Variants in RAB37 observed in about 807,000 individuals in gnomAD.
RAB37 encodes the protein ras-related protein Rab-37.
A neutral mutation model predicts 33.1 loss-of-function variants in RAB37; 29 were observed. The observed-to-expected ratio is 0.88, with a 90% CI of 0.65 to 1.20. The LOEUF is 1.20. Among genes scored for constraint, RAB37 ranks in the 50% most tolerant of loss-of-function variants. The pLI is 0.00. For synonymous variants in RAB37, 128 were observed against 119.5 expected (o/e 1.07, Z -0.47); for missense variants, 299 against 301.1 (o/e 0.99, Z 0.05).
At chr17:74,706,223 C>G (rs1297165405) in intron 1 of RAB37, among the ~76,000 whole-genome samples, 1 of 150,190 alleles carries the variant, frequency 6.7e-6, no homozygotes, top group Non-Finnish European at 1.5e-5. Flanking sequence ...ATCCATGTAA[C>G]AAACCTGCAC....
chr17:74,698,056 G>T (rs1390191143), intron 1 of RAB37, among the ~76,000 whole-genome samples: 2 of 152,104 alleles, frequency 1.3e-5, no homozygotes, highest in Non-Finnish European at 2.9e-5. Context: ...CCCCAGACTG[G>T]ACCACCCACC....
rs1239298939 is a variant in RAB37 at position 74,742,632 on chromosome 17, CTT to C, written c.246+347_246+348del. On this transcript the variant is annotated intron_variant, in intron 3 of 8. Coordinates refer to ENST00000392613, the MANE Select transcript of RAB37 (RefSeq NM_001006638.3). This position sits in a 1 kb window ranked among gnomAD's most constrained non-coding sequence, Gnocchi z 4.0. ...AGATTCTTTTTTTTTCTTTTCTTTT[CTT>C]TTTTTTTTTGAGATGGAGTCTCGCT... Among the ~76,000 whole-genome samples the C allele has an allele frequency of 6.9e-6, 1 of 145,608 alleles. No homozygotes were observed. Among genetic ancestry groups the C allele is most frequent in the Non-Finnish European group, 1.5e-5 (1 of 65,772 alleles).
At chr17:74,741,604 G>C (rs76703324) in intron 2 of RAB37, among the ~76,000 whole-genome samples, 1 of 95,058 alleles carries the variant, frequency 1.1e-5, no homozygotes, top group African/African-American at 4.8e-5. Context: ...AAAAAAAAAA[G>C]AGCTGGGCTG....
At chr17:74,723,833 C>T (rs1323063783) in intron 1 of RAB37, among the ~76,000 whole-genome samples, 1 of 152,054 alleles carries the variant, frequency 6.6e-6, no homozygotes, top group Non-Finnish European at 1.5e-5. Context: ...CTTGGCCTCT[C>T]AAAATGCTGG....
At chr17:74,722,161 T>A (rs906805701) in intron 1 of RAB37, among the ~76,000 whole-genome samples, 1 of 151,814 alleles carries the variant, frequency 6.6e-6, no homozygotes, top group African/African-American at 2.4e-5. Flanking sequence ...CGGGCGCCTG[T>A]AGTCCCAGAT....
chr17:74,733,803 C>T (rs1387192819), upstream of RAB37, among the ~76,000 whole-genome samples: 1 of 152,016 alleles, frequency 6.6e-6, no homozygotes, highest in Non-Finnish European at 1.5e-5. Context: ...ACTTCTGACT[C>T]ACCCGAGGCT....
chr17:74,712,833 A>T (rs745918380), intron 1 of RAB37: 2 of 1,614,066 alleles, frequency 1.2e-6, no homozygotes, highest in Non-Finnish European at 1.7e-6. Context: ...CCTGAGAGCC[A>T]GAAGAGGAGC....
At chr17:74,711,810 T>C (rs1015177906) in intron 1 of RAB37, among the ~76,000 whole-genome samples, 4 of 152,160 alleles carry the variant, frequency 2.6e-5, no homozygotes, top group African/African-American at 9.6e-5. Context: ...CACTGTAACA[T>C]ATCATCTTGT....
upstream of RAB37, among the ~76,000 whole-genome samples, chr17:74,733,707 C>T (rs2034426629): frequency 6.6e-6 from 1 of 151,798 alleles, no homozygotes; most frequent in African/African-American, 2.4e-5. Context: ...CCCAGGTTTC[C>T]TCCCCAGAGA....
chr17:74,698,628 A>G (rs2032748442), intron 1 of RAB37: 1 of 1,476,974 alleles, frequency 6.8e-7, no homozygotes. Context: ...ACTCCTGGGG[A>G]TCCTCAAAGA....
intron 1 of RAB37, among the ~76,000 whole-genome samples, chr17:74,720,276 G>C (rs2034221533): frequency 6.6e-6 from 1 of 152,176 alleles, no homozygotes; most frequent in South Asian, 2.1e-4. Flanking sequence ...CAGCATGAAG[G>C]GGTGTGTTAC....
intron 1 of RAB37, among the ~76,000 whole-genome samples, chr17:74,721,399 A>G (rs2034237864): frequency 6.6e-6 from 1 of 151,670 alleles, no homozygotes; most frequent in South Asian, 2.1e-4. Context: ...TACAAACACT[A>G]CAATGAGCAT....
Position 74,744,157 on chromosome 17 carries a change from G to A in RAB37, c.367-151G>A, listed in dbSNP as rs1598330007. The A allele has an allele frequency of 1.4e-6, 1 of 700,070 alleles. No individual in the cohort carries two copies. The highest frequency in any genetic ancestry group is 1.8e-5 in the African/African-American group (1 of 55,740). The allele number at this position is 700,070 out of a possible 1,614,324, so 43.4% of individuals were successfully genotyped here. On this transcript the variant is annotated intron_variant, in intron 5 of 8. Coordinates refer to ENST00000392613, the MANE Select transcript of RAB37 (RefSeq NM_001006638.3). This position sits in a 1 kb window ranked among gnomAD's most constrained non-coding sequence, Gnocchi z 4.2. The stretch of plus-strand genomic sequence containing the variant: ...TGAGCCACCAAGGAAGGCCATCCAG[G>A]CCTGGATGGGCCAGAACAAAGGTAC...
At chr17:74,715,753 C>T (rs1194060399) in intron 1 of RAB37, among the ~76,000 whole-genome samples, 1 of 152,170 alleles carries the variant, frequency 6.6e-6, no homozygotes, top group Non-Finnish European at 1.5e-5. Flanking sequence ...TCAGGCCGGG[C>T]ACGGTGGCTT....
intron 1 of RAB37, among the ~76,000 whole-genome samples, chr17:74,715,460 C>A (rs964562926): frequency 5.9e-5 from 9 of 152,206 alleles, no homozygotes; most frequent in Non-Finnish European, 1.5e-5. Context: ...GTCAATAGGT[C>A]CTCTGCCCAG....
Position 74,742,127 on chromosome 17 carries a change from G to T in RAB37, c.205-127G>T. 1 of 1,139,656 alleles carries T rather than the reference G, an allele frequency of 8.8e-7. No individual in the cohort carries two copies. The highest frequency in any genetic ancestry group is 1.3e-6 in the Non-Finnish European group (1 of 791,552). 70.6% of individuals were successfully genotyped at this position (1,139,656 alleles called of 1,614,324 possible). On this transcript the variant is annotated intron_variant, in intron 2 of 8. Coordinates refer to ENST00000392613, the MANE Select transcript of RAB37 (RefSeq NM_001006638.3). This position sits in a 1 kb window ranked among gnomAD's most constrained non-coding sequence, Gnocchi z 4.0. ...TCCTGCTGCCCTGATGGTATGATCT[G>T]GCTGGAGACGGTTCTGGGGCTCACT...
At chr17:74,736,260 C>T (rs2034473082), upstream of RAB37, among the ~76,000 whole-genome samples, 1 of 151,796 alleles carries the variant, frequency 6.6e-6, no homozygotes, top group East Asian at 1.9e-4. Flanking sequence ...CCCCTCCCTA[C>T]ACATCCCTCA....
At chr17:74,740,724 C>T (rs771113841) in intron 1 of RAB37, 44 bp from the exon 2 acceptor site, 1 of 1,315,214 alleles carries the variant, frequency 7.6e-7, no homozygotes, top group Admixed American at 1.7e-5. Flanking sequence ...ATCCCAGAAG[C>T]TGCCCCTGAC....
intron 1 of RAB37, among the ~76,000 whole-genome samples, chr17:74,699,520 G>C (rs2143651271): frequency 6.6e-6 from 1 of 152,218 alleles, no homozygotes; most frequent in Non-Finnish European, 1.5e-5. Context: ...ACACACACAG[G>C]AAGAAGACCA....
Sources: allele counts gnomAD v4.1 joint callset (sites outside exome capture counted in the v4.1 genomes callset), GRCh38; gene constraint gnomAD v4.1.1; non-coding constraint Gnocchi (gnomAD v3.1); transcripts MANE v1.5; gene names NCBI Gene and HGNC (gene_info 2026-07-23, HGNC 2026-07-21).